Variants in RHEB observed in about 807,000 individuals in gnomAD.
The protein encoded by RHEB is Ras homolog, mTORC1 binding.
A neutral mutation model predicts 28.8 loss-of-function variants in RHEB; 2 were observed. The observed-to-expected ratio is 0.07, with a 90% CI of 0.03 to 0.22. RHEB has a LOEUF of 0.22. Among genes scored for constraint, RHEB ranks in the 10% least tolerant of loss-of-function variants. The pLI is 1.00. For synonymous variants in RHEB, 69 were observed against 77.3 expected, an observed-to-expected ratio of 0.89 and a Z score of 0.56; for missense variants, 76 against 219.9, an observed-to-expected ratio of 0.35 and a Z score of 4.14.
chr7:151,514,707 C>T (rs1330877675), intron 1 of RHEB, among the ~76,000 whole-genome samples: 1 of 152,138 alleles, frequency 6.6e-6, no homozygotes, highest in African/African-American at 2.4e-5. Flanking sequence ...TACATAAAAG[C>T]TTGTACAGGA....
intron 1 of RHEB, chr7:151,502,590 T>C: frequency 7.5e-7 from 1 of 1,337,898 alleles, no homozygotes; most frequent in Non-Finnish European, 1.1e-6. Flanking sequence ...AAGGGGCTCT[T>C]ACAGCACTAC....
In RHEB at chr7:151,502,727, G is replaced by A. The variant is rs77061028; in HGVS notation, c.53-11713C>T. 6.3e-3 allele frequency: 10,095 copies of A among 1,592,714 alleles called. 524 individuals carry two copies. The African/African-American group carries it at 0.12, about 18-fold the overall frequency. On this transcript the variant is annotated intron_variant, in intron 1 of 7. Coordinates refer to ENST00000262187, the MANE Select transcript of RHEB (RefSeq NM_005614.4). ...GTGGATCTCCCAAAGAAACACAGTA[G>A]AGGCGTTTTGCCCGTTTAAAAATGG... is the stretch of plus-strand genomic sequence containing the variant.
chr7:151,484,900 T>TA (rs1467526674), intron 2 of RHEB, 96 bp from the exon 3 acceptor site: 2 of 762,802 alleles, frequency 2.6e-6, no homozygotes, highest in East Asian at 5.3e-5. Flanking sequence ...ACAGAGTCCC[T>TA]AGCAGTCTCA....
At chr7:151,475,705 C>T (rs1802258852) in intron 4 of RHEB, among the ~76,000 whole-genome samples, 1 of 152,234 alleles carries the variant, frequency 6.6e-6, no homozygotes, top group South Asian at 2.1e-4. Flanking sequence ...CCAAGCATTG[C>T]TTTCAGTGAC....
rs540506792 is a variant in RHEB at position 151,479,498 on chromosome 7, CA to C, written c.193-2084del. 1.9e-4 allele frequency among the ~76,000 whole-genome samples: 29 copies of C among 152,130 alleles called. No homozygotes were observed. In the South Asian group the frequency reaches 3.9e-3, roughly 21 times the overall value. On this transcript the variant is annotated intron_variant, in intron 3 of 7. Coordinates refer to ENST00000262187, the MANE Select transcript of RHEB (RefSeq NM_005614.4). ...GAGATTCATATCATCCTGGCTAACA[CA>C]GTGAAACCCCGTCTCCACTCAAAAT...
chr7:151,499,641 A>AGT (rs1371022405), intron 1 of RHEB, among the ~76,000 whole-genome samples: 1 of 152,242 alleles, frequency 6.6e-6, no homozygotes, highest in Non-Finnish European at 1.5e-5. Context: ...TTCCCAAATT[A>AGT]TGATCAACAC....
chr7:151,475,823 T>C (rs1193004034), intron 4 of RHEB, among the ~76,000 whole-genome samples: 2 of 152,198 alleles, frequency 1.3e-5, no homozygotes. Context: ...TGGAAAAATA[T>C]ATATTACATG....
In RHEB at chr7:151,519,558, C is replaced by T. The variant is rs777953577; in HGVS notation, c.-47G>A. On this transcript the variant is annotated 5_prime_UTR_variant, in exon 1 of 8. Transcript: ENST00000262187. The stretch of plus-strand genomic sequence containing the variant: ...GGCCCAACCACATCAACCGCGGCGG[C>T]GGTGGCTCCTGCTGCTGTGATCGGC... 1.9e-5 allele frequency: 29 copies of T among 1,505,914 alleles called. No homozygotes were observed. Among genetic ancestry groups the T allele is most frequent in the South Asian group, 9.8e-5 (8 of 81,560 alleles). 93.3% of individuals were successfully genotyped at this position (1,505,914 alleles called of 1,614,324 possible). A position where few individuals can be genotyped will look rare whatever the true frequency, so the allele number is the denominator to read the frequency against.
chr7:151,472,761 A>G lies in RHEB; in HGVS notation c.276-1156T>C, dbSNP rs1239447398. The stretch of plus-strand genomic sequence containing the variant: ...TCATGATTGCATCACAAGCTTCAGA[A>G]TAAGTTAGCTTGTTGAATGAATTAC... On this transcript the variant is annotated intron_variant, in intron 4 of 7. Transcript: ENST00000262187. This position sits in a 1 kb window ranked among gnomAD's most constrained non-coding sequence, Gnocchi z 5.2. 1.3e-5 allele frequency among the ~76,000 whole-genome samples: 2 copies of G among 152,202 alleles called. No homozygotes were observed. Among genetic ancestry groups the G allele is most frequent in the Admixed American group, 6.5e-5 (1 of 15,284 alleles).
chr7:151,495,928 G>A (rs904636883), intron 1 of RHEB, among the ~76,000 whole-genome samples: 8 of 152,124 alleles, frequency 5.3e-5, no homozygotes, highest in Admixed American at 2.6e-4. Context: ...CTCCAGCCAC[G>A]GTCTGTCCCC....
rs1428520002 is a variant in RHEB, at chr7:151,472,626, T to C, written c.276-1021A>G. ...TTCTTACCCCTTCCGTACTTTATTTTTCTTGGCAGCATGGTCACAGACATC... is the reference window on the plus strand; with the variant it reads ...TTCTTACCCCTTCCGTACTTTATTTCTCTTGGCAGCATGGTCACAGACATC... On this transcript the variant is annotated intron_variant, in intron 4 of 7. Coordinates refer to ENST00000262187, the MANE Select transcript of RHEB (RefSeq NM_005614.4). This position sits in a 1 kb window ranked among gnomAD's most constrained non-coding sequence, Gnocchi z 5.2. Among the ~76,000 whole-genome samples the C allele has an allele frequency of 1.3e-5, 2 of 152,230 alleles. No individual in the cohort carries two copies. The highest frequency in any genetic ancestry group is 2.9e-5 in the Non-Finnish European group (2 of 68,036).
chr7:151,484,623 C>A (rs1802434999), intron 3 of RHEB, 114 bp downstream of exon 3: 2 of 736,040 alleles, frequency 2.7e-6, no homozygotes, highest in Non-Finnish European at 4.7e-6. Flanking sequence ...CAGGGACTGT[C>A]TGCACACAAC....
At chr7:151,504,733 G>C (rs1422779616) in intron 1 of RHEB, among the ~76,000 whole-genome samples, 1 of 152,060 alleles carries the variant, frequency 6.6e-6, no homozygotes, top group Admixed American at 6.6e-5. Flanking sequence ...CAAAACTATA[G>C]GATAAAAACC....
At chr7:151,504,810 A>G (rs1225069947) in intron 1 of RHEB, among the ~76,000 whole-genome samples, 1 of 152,128 alleles carries the variant, frequency 6.6e-6, no homozygotes, top group Non-Finnish European at 1.5e-5. Context: ...ATTGTTCTAC[A>G]GCCTGATTCT....
chr7:151,469,561 A>G (rs1289031031), intron 7 of RHEB, among the ~76,000 whole-genome samples: 2 of 152,210 alleles, frequency 1.3e-5, no homozygotes, highest in Non-Finnish European at 2.9e-5. Flanking sequence ...GTTTCCTCAG[A>G]GAAATGAAAA....
At chr7:151,476,741 C>G (rs1484892428) in intron 4 of RHEB, among the ~76,000 whole-genome samples, 1 of 152,224 alleles carries the variant, frequency 6.6e-6, no homozygotes, top group Admixed American at 6.5e-5. Context: ...CACCAATGCC[C>G]AGAGCTCCGC....
intron 2 of RHEB, among the ~76,000 whole-genome samples, chr7:151,490,400 C>T (rs957325900): frequency 2.0e-5 from 3 of 152,210 alleles, no homozygotes; most frequent in South Asian, 2.1e-4. Context: ...CTGCTTTTTT[C>T]TGCACATGGC....
intron 1 of RHEB, among the ~76,000 whole-genome samples, chr7:151,506,705 A>G (rs1339928182): frequency 6.6e-6 from 1 of 152,260 alleles, no homozygotes; most frequent in African/African-American, 2.4e-5. Flanking sequence ...GCAAAATAAC[A>G]AACATACATA....
chr7:151,476,801 C>G (rs1176244869), intron 4 of RHEB, among the ~76,000 whole-genome samples: 2 of 152,184 alleles, frequency 1.3e-5, no homozygotes, highest in Non-Finnish European at 2.9e-5. Flanking sequence ...CACTGCTCCT[C>G]CTGATAATAC....
Sources: allele counts gnomAD v4.1 joint callset (sites outside exome capture counted in the v4.1 genomes callset), GRCh38; gene constraint gnomAD v4.1.1; non-coding constraint Gnocchi (gnomAD v3.1); transcripts MANE v1.5; gene names NCBI Gene and HGNC (gene_info 2026-07-23, HGNC 2026-07-21).